The following IGDCC3 variants were observed in gnomAD, a reference collection of about 807,000 sequenced individuals.
IGDCC3 encodes the protein immunoglobulin superfamily DCC subclass member 3.
A neutral mutation model predicts 72.0 loss-of-function variants in IGDCC3; 47 were observed. That is an observed-to-expected ratio of 0.65 (90% CI 0.52 to 0.83). The LOEUF (loss-of-function observed/expected upper bound fraction) is 0.83, where lower values mean the gene tolerates loss of function less well. Among genes scored for constraint, IGDCC3 ranks in the 40% least tolerant of loss-of-function variants. The pLI is 0.00. For missense variants in IGDCC3, 1,038 were observed against 1,091.3 expected, an observed-to-expected ratio of 0.95 and a Z score of 0.69; for synonymous variants, 477 against 472.8, an observed-to-expected ratio of 1.01 and a Z score of -0.11.
chr15:65,342,174 G>A (rs1595754710), intron 2 of IGDCC3, among the ~76,000 whole-genome samples: 6 of 151,930 alleles, frequency 3.9e-5, no homozygotes, highest in Admixed American at 3.9e-4. Flanking sequence ...ATCACATGAG[G>A]TCGGGAGTTC....
Position 65,329,570 on chromosome 15 carries a change from G to GT in IGDCC3, c.2024dup (p.Asn675LysfsTer71). 6.2e-7 allele frequency: 1 copy of GT among 1,612,080 alleles called. No individual in the cohort carries two copies. The highest frequency in any genetic ancestry group is 2.2e-5 in the East Asian group (1 of 44,872). ...GGGGACCCTGTGGAGGGGACAGCTG[G>GT]TTTTCCACATCTTTACACAGGAGGA... is the stretch of plus-strand genomic sequence containing the variant. On this transcript the variant is annotated frameshift_variant, in exon 13 of 14. Transcript: ENST00000327987. LOFTEE classifies it high-confidence loss of function. The surrounding 1 kb of genome is among the most constrained non-coding windows in gnomAD (Gnocchi z 4.1).
At chr15:65,333,029 CACGCAGAGGCCG>C (rs2090992545) in intron 6 of IGDCC3, among the ~76,000 whole-genome samples, 1 of 152,254 alleles carries the variant, frequency 6.6e-6, no homozygotes, top group South Asian at 2.1e-4. Context: ...ACCCGGAGGG[CACGCAGAGGCCG>C]GGGAGCATGA....
rs2091365307 is a variant in IGDCC3, at chr15:65,377,383, G to C, written c.103+303C>G. On this transcript the variant is annotated intron_variant, in intron 1 of 13. Coordinates refer to ENST00000327987, the MANE Select transcript of IGDCC3 (RefSeq NM_004884.4). This position sits in a 1 kb window ranked among gnomAD's most constrained non-coding sequence, Gnocchi z 4.9. Reference sequence around the variant, plus strand: ...CGGTCTCCCCTGGCTCGTTTCCCTCGGTCTCCACGCCAGCCCGCCCCGCTT... The same window carrying C: ...CGGTCTCCCCTGGCTCGTTTCCCTCCGTCTCCACGCCAGCCCGCCCCGCTT... 6.6e-6 allele frequency among the ~76,000 whole-genome samples: 1 copy of C among 152,004 alleles called. No homozygotes were observed. Among genetic ancestry groups the C allele is most frequent in the African/African-American group, 2.4e-5 (1 of 41,372 alleles).
chr15:65,329,113 G>C lies in IGDCC3; in HGVS notation c.2241C>G (p.Thr747=). 1 of 1,610,564 alleles carries C rather than the reference G, an allele frequency of 6.2e-7. No individual in the cohort carries two copies. Among genetic ancestry groups the C allele is most frequent in the African/African-American group, 1.3e-5 (1 of 75,030 alleles). The change falls in exon 14 of 14, where the codon ACC becomes ACG. Residue 747 remains threonine (T), a synonymous_variant. Coordinates refer to ENST00000327987, the MANE Select transcript of IGDCC3 (RefSeq NM_004884.4). This position sits in a 1 kb window ranked among gnomAD's most constrained non-coding sequence, Gnocchi z 4.1. ...CCTGAAGTGGCAGCACGGAGAGCTG[G>C]GTCTCCTCACACGGAGCGGGGGCTG... is the stretch of plus-strand genomic sequence containing the variant. ...DPAAPAPCEE[T]QLSVLPLQGC...
chr15:65,357,635 A>C (rs1208308297), intron 2 of IGDCC3, among the ~76,000 whole-genome samples: 2 of 152,240 alleles, frequency 1.3e-5, no homozygotes, highest in Non-Finnish European at 2.9e-5. Flanking sequence ...AACACTACCA[A>C]GCACTAGTAG....
chr15:65,375,452 T>C, intron 1 of IGDCC3, 50 bp from the exon 2 acceptor site: 3 of 1,456,238 alleles, frequency 2.1e-6, no homozygotes, highest in South Asian at 1.3e-5. Context: ...TAGTATGAAA[T>C]GAACATCCAG....
chr15:65,361,627 C>G (rs1484634847), intron 2 of IGDCC3, among the ~76,000 whole-genome samples: 11 of 151,470 alleles, frequency 7.3e-5, no homozygotes, highest in Non-Finnish European at 1.6e-4. Flanking sequence ...ACCACAGCAG[C>G]CTAGAAGAGT....
At chr15:65,350,442 G>A (rs1056111879) in intron 2 of IGDCC3, among the ~76,000 whole-genome samples, 9 of 147,030 alleles carry the variant, frequency 6.1e-5, no homozygotes, top group African/African-American at 2.3e-4. Flanking sequence ...AAGCCACCAC[G>A]TCCAGCCTGA....
chr15:65,365,012 C>A (rs1320038917), intron 2 of IGDCC3, among the ~76,000 whole-genome samples: 2 of 152,144 alleles, frequency 1.3e-5, no homozygotes, highest in East Asian at 1.9e-4. Flanking sequence ...GGTTCAGAAG[C>A]CTGATAAACC....
At position 65,355,656 on chromosome 15, in the gene IGDCC3, T is replaced by TCTC; in HGVS notation, c.409+19440_409+19441insGAG. ...CGGCTAATCCCCGCCGACGCGGGCGTCCCGCCCCCCCGCCCCTCCCGCATA... is the reference window on the plus strand; with the variant it reads ...CGGCTAATCCCCGCCGACGCGGGCGTCTCCCCGCCCCCCCGCCCCTCCCGCATA... On this transcript the variant is annotated intron_variant, in intron 2 of 13. Transcript: ENST00000327987. 4 of 211,730 alleles carry TCTC rather than the reference T, an allele frequency of 1.9e-5. 1 individual carries two copies. The highest frequency in any genetic ancestry group is 1.9e-4 in the Admixed American group (3 of 15,882). The allele number at this position is 211,730 out of a possible 1,614,324, so 13.1% of individuals were successfully genotyped here.
Position 65,329,323 on chromosome 15 carries a change from G to T in IGDCC3, c.2205+67C>A. 6.7e-7 allele frequency: 1 copy of T among 1,500,752 alleles called. No individual in the cohort carries two copies. The highest frequency in any genetic ancestry group is 9.0e-7 in the Non-Finnish European group (1 of 1,107,804). 93.0% of individuals were successfully genotyped at this position (1,500,752 alleles called of 1,614,324 possible). A position where few individuals can be genotyped will look rare whatever the true frequency, so the allele number is the denominator to read the frequency against. On this transcript the variant is annotated intron_variant, in intron 13 of 13. Transcript: ENST00000327987. The surrounding 1 kb of genome is among the most constrained non-coding windows in gnomAD (Gnocchi z 4.1). ...CGAGGCCCGTGGCCAAGGTGAAGGGGGGCAGGATTGGAAGGTGGCAGTGTC... is the reference window on the plus strand; with the variant it reads ...CGAGGCCCGTGGCCAAGGTGAAGGGTGGCAGGATTGGAAGGTGGCAGTGTC...
At position 65,329,686 on chromosome 15, in the gene IGDCC3, C is replaced by T. The variant is rs767537586; in HGVS notation, c.1997+40G>A. On this transcript the variant is annotated intron_variant, in intron 12 of 13. Coordinates refer to ENST00000327987, the MANE Select transcript of IGDCC3 (RefSeq NM_004884.4). This position sits in a 1 kb window ranked among gnomAD's most constrained non-coding sequence, Gnocchi z 4.1. ...CTCACCTTCTCTAGGCCTAGTCCCC[C>T]ACACACCAGCCCAGCCCCTCTCCCT... 8 of 1,613,218 alleles carry T rather than the reference C, an allele frequency of 5.0e-6. No homozygotes were observed. In the African/African-American group the frequency reaches 1.1e-4, roughly 22 times the overall value.
At chr15:65,370,515 A>C (rs10553352) in intron 2 of IGDCC3, among the ~76,000 whole-genome samples, 2,709 of 71,236 alleles carry the variant, frequency 0.038, 98 homozygotes, top group African/African-American at 0.099. Context: ...TCAAAAAAAA[A>C]ATATATATAT....
intron 9 of IGDCC3, 63 bp downstream of exon 9, chr15:65,330,987 G>A: frequency 6.4e-7 from 1 of 1,567,436 alleles, no homozygotes; most frequent in Non-Finnish European, 8.7e-7. Flanking sequence ...AGTGTGCATG[G>A]TGGTTCTGCT....
At chr15:65,353,670 A>G (rs1485386660) in intron 2 of IGDCC3, among the ~76,000 whole-genome samples, 2 of 152,156 alleles carry the variant, frequency 1.3e-5, no homozygotes, top group East Asian at 3.9e-4. Context: ...GCCCAAACCC[A>G]CCAAAACCAA....
intron 2 of IGDCC3, among the ~76,000 whole-genome samples, chr15:65,362,846 ATTTTTTTTTTTTTT>A (rs869239198): frequency 5.8e-5 from 5 of 85,726 alleles, no homozygotes; most frequent in Non-Finnish European, 9.1e-5. Flanking sequence ...AGGTTTGGGG[ATTTTTTTTTTTTTT>A]TTTTTTTTTT....
rs766387903 is a variant in IGDCC3 at position 65,330,784 on chromosome 15, A to C, written c.1562-43T>G. On this transcript the variant is annotated intron_variant, in intron 9 of 13. Coordinates refer to ENST00000327987, the MANE Select transcript of IGDCC3 (RefSeq NM_004884.4). The stretch of plus-strand genomic sequence containing the variant: ...GGCCACGATGTGAGGACCCAGTGGA[A>C]GCTCTATCTTTCTACCTTCCACCTG... 2.5e-6 allele frequency: 3 copies of C among 1,211,970 alleles called. No individual in the cohort carries two copies. The African/African-American group carries it at 4.4e-5, about 18-fold the overall frequency. The allele number at this position is 1,211,970 out of a possible 1,614,324, so 75.1% of individuals were successfully genotyped here. A position where few individuals can be genotyped will look rare whatever the true frequency, so the allele number is the denominator to read the frequency against.
intron 11 of IGDCC3, 87 bp downstream of exon 11, chr15:65,330,206 G>T: frequency 1.0e-6 from 1 of 1,000,738 alleles, no homozygotes; most frequent in Non-Finnish European, 1.5e-6. Context: ...CTAAGCCTGT[G>T]TTTTCAAGCG....
At position 65,377,955 on chromosome 15, in the gene IGDCC3, A is replaced by G. The variant is rs1161534737; in HGVS notation, c.-167T>C. ...GCCTGCTCAGCAGCGCGGGGGGCGC[A>G]GGGGGAGCGCCGCTTGCGCCATCTT... On this transcript the variant is annotated 5_prime_UTR_variant, in exon 1 of 14. Transcript: ENST00000327987. The surrounding 1 kb of genome is among the most constrained non-coding windows in gnomAD (Gnocchi z 4.9). 2.0e-5 allele frequency: 11 copies of G among 548,580 alleles called. No homozygotes were observed. Among genetic ancestry groups the G allele is most frequent in the Admixed American group, 1.2e-4 (2 of 16,390 alleles). The allele number at this position is 548,580 out of a possible 1,614,324, so 34.0% of individuals were successfully genotyped here.
Sources: allele counts gnomAD v4.1 joint callset (sites outside exome capture counted in the v4.1 genomes callset), GRCh38; gene constraint gnomAD v4.1.1; non-coding constraint Gnocchi (gnomAD v3.1); transcripts MANE v1.5; gene names NCBI Gene and HGNC (gene_info 2026-07-23, HGNC 2026-07-21).